Variants in C8orf34 observed in about 807,000 individuals in gnomAD.
C8orf34 encodes uncharacterized protein C8orf34.
A neutral mutation model predicts 68.3 loss-of-function variants in C8orf34; 65 were observed. That is an observed-to-expected ratio of 0.95 (90% CI 0.78 to 1.17). The LOEUF (loss-of-function observed/expected upper bound fraction) is 1.17, where lower values mean the gene tolerates loss of function less well. C8orf34 is among the 50% of genes most tolerant of loss of function. C8orf34 has a pLI of 0.00. For synonymous variants in C8orf34, 244 were observed against 241.2 expected (o/e 1.01, Z -0.11); for missense variants, 664 against 655.4 (o/e 1.01, Z -0.14).
At chr8:68,623,067 C>G (rs1818434461) in intron 7 of C8orf34, among the ~76,000 whole-genome samples, 1 of 152,162 alleles carries the variant, frequency 6.6e-6, no homozygotes, top group African/African-American at 2.4e-5. Flanking sequence ...AAGAACATTG[C>G]CTTTGTGTTC....
intron 3 of C8orf34, among the ~76,000 whole-genome samples, chr8:68,463,208 C>G (rs189423194): frequency 1.3e-5 from 2 of 152,256 alleles, no homozygotes; most frequent in South Asian, 4.1e-4. Flanking sequence ...GGATAAATTC[C>G]TTGACACATA....
intron 10 of C8orf34, among the ~76,000 whole-genome samples, chr8:68,754,454 G>A (rs1822794295): frequency 6.6e-6 from 1 of 152,190 alleles, no homozygotes; most frequent in African/African-American, 2.4e-5. Flanking sequence ...GGGTTTTTAA[G>A]AATCTAGAAA....
chr8:68,600,311 G>T (rs919825757), intron 7 of C8orf34, among the ~76,000 whole-genome samples: 2 of 152,010 alleles, frequency 1.3e-5, no homozygotes, highest in Non-Finnish European at 2.9e-5. Context: ...TCCCCTTGCG[G>T]CACTGAGCAC....
At chr8:68,734,080 A>T (rs188076922) in intron 10 of C8orf34, among the ~76,000 whole-genome samples, 113 of 152,270 alleles carry the variant, frequency 7.4e-4, no homozygotes, top group African/African-American at 2.2e-3. Flanking sequence ...AGCATATTTT[A>T]AAAAAGAAAT....
At chr8:68,573,818 T>C (rs554986057) in intron 7 of C8orf34, among the ~76,000 whole-genome samples, 1 of 152,276 alleles carries the variant, frequency 6.6e-6, no homozygotes. Flanking sequence ...AGCTTTTTCT[T>C]TGTTCAAGTT....
intron 8 of C8orf34, among the ~76,000 whole-genome samples, chr8:68,679,773 T>G (rs1470151416): frequency 6.6e-6 from 1 of 152,024 alleles, no homozygotes; most frequent in African/African-American, 2.4e-5. Flanking sequence ...AGAAAGAAAT[T>G]CATACATTTA....
At chr8:68,444,314 C>G (rs1247408752) in intron 2 of C8orf34, among the ~76,000 whole-genome samples, 1 of 151,954 alleles carries the variant, frequency 6.6e-6, no homozygotes, top group Non-Finnish European at 1.5e-5. Flanking sequence ...TCTCTAATTT[C>G]TTTTTGCTTC....
chr8:68,553,672 A>G (rs1374119300), intron 7 of C8orf34, among the ~76,000 whole-genome samples: 2 of 151,970 alleles, frequency 1.3e-5, no homozygotes, highest in South Asian at 4.1e-4. Context: ...CCTTTTTTAT[A>G]TCCGTATGGT....
intron 6 of C8orf34, among the ~76,000 whole-genome samples, chr8:68,522,635 C>T (rs1219761619): frequency 6.6e-6 from 1 of 152,078 alleles, no homozygotes; most frequent in African/African-American, 2.4e-5. Context: ...GTTGAAATGT[C>T]CAGATCTTAT....
At chr8:68,409,082 C>T (rs917919986) in intron 1 of C8orf34, among the ~76,000 whole-genome samples, 5 of 152,286 alleles carry the variant, frequency 3.3e-5, no homozygotes, top group Non-Finnish European at 7.4e-5. Flanking sequence ...CCACTGTGCC[C>T]GGCCTGAGCT....
chr8:68,360,498 T>C (rs141637147), intron 1 of C8orf34, among the ~76,000 whole-genome samples: 33 of 152,330 alleles, frequency 2.2e-4, no homozygotes, highest in African/African-American at 2.2e-4. Flanking sequence ...GGTTGCATTT[T>C]ATCACTTTTA....
chr8:68,742,764 G>GTTTT (rs55882512), intron 10 of C8orf34, among the ~76,000 whole-genome samples: 2 of 151,610 alleles, frequency 1.3e-5, no homozygotes, highest in African/African-American at 4.8e-5. Context: ...TCACTAATGA[G>GTTTT]TTAATTCATT....
chr8:68,695,433 G>T (rs1462663811), intron 8 of C8orf34, among the ~76,000 whole-genome samples: 2 of 152,068 alleles, frequency 1.3e-5, no homozygotes, highest in Non-Finnish European at 2.9e-5. Context: ...ACAGGCATGG[G>T]CCACCCCACC....
chr8:68,694,269 T>A (rs1465404188), intron 8 of C8orf34, among the ~76,000 whole-genome samples: 2 of 150,016 alleles, frequency 1.3e-5, no homozygotes, highest in Admixed American at 1.3e-4. Context: ...GAATATTTTT[T>A]AAAAAGTGTT....
chr8:68,510,810 C>T (rs1230556481), intron 5 of C8orf34, among the ~76,000 whole-genome samples: 1 of 152,178 alleles, frequency 6.6e-6, no homozygotes, highest in Non-Finnish European at 1.5e-5. Flanking sequence ...CTTAAAAACC[C>T]ATCCAAGCCA....
chr8:68,780,377 G>A (rs1378143996), intron 11 of C8orf34, among the ~76,000 whole-genome samples: 2 of 152,046 alleles, frequency 1.3e-5, no homozygotes, highest in African/African-American at 4.8e-5. Flanking sequence ...GCCACCAAGT[G>A]GAATGAGTTG....
intron 8 of C8orf34, among the ~76,000 whole-genome samples, chr8:68,678,477 T>A (rs1198098585): frequency 1.3e-5 from 2 of 152,094 alleles, no homozygotes; most frequent in Non-Finnish European, 2.9e-5. Context: ...ATAATGAAAG[T>A]CAGAAACCAT....
At chr8:68,376,879 A>C (rs981674790) in intron 1 of C8orf34, among the ~76,000 whole-genome samples, 1 of 152,122 alleles carries the variant, frequency 6.6e-6, no homozygotes, top group Non-Finnish European at 1.5e-5. Context: ...CTAGTGAGAA[A>C]ATATCAACAG....
At chr8:68,350,936 G>A (rs190416086) in intron 1 of C8orf34, among the ~76,000 whole-genome samples, 40 of 152,034 alleles carry the variant, frequency 2.6e-4, no homozygotes, top group Middle Eastern at 3.4e-3. Flanking sequence ...TGCCTTTTAA[G>A]TGGGACATAT....
Sources: gnomAD v4.1 joint callset for allele counts (sites outside exome capture counted in the v4.1 genomes callset) on GRCh38, gnomAD v4.1.1 for gene constraint, MANE v1.5 for transcripts, NCBI Gene and HGNC (gene_info 2026-07-23, HGNC 2026-07-21) for gene names.